DNAH12: variants seen among roughly 807,000 people sequenced by gnomAD.
The protein encoded by DNAH12 is dynein axonemal heavy chain 12, also known as axonemal beta dynein heavy chain 12.
A neutral mutation model predicts 371.5 loss-of-function variants in DNAH12; 285 were observed. That is an observed-to-expected ratio of 0.77 (90% CI 0.70 to 0.85). The LOEUF is 0.85. Among genes scored for constraint, DNAH12 ranks in the 40% least tolerant of loss-of-function variants. The pLI, the probability that DNAH12 is intolerant of heterozygous loss-of-function variation, is 0.00. For synonymous variants in DNAH12, 1,200 were observed against 1,213.0 expected, an observed-to-expected ratio of 0.99 and a Z score of 0.22; for missense variants, 3,611 against 3,689.4, an observed-to-expected ratio of 0.98 and a Z score of 0.55.
chr3:57,360,684 TAACAACAAC>T (rs1158640870), intron 58 of DNAH12, among the ~76,000 whole-genome samples: 3,614 of 151,204 alleles, frequency 0.024, 68 homozygotes, highest in Admixed American at 0.035. Flanking sequence ...CGAAACTCTG[TAACAACAAC>T]AACAACAACA....
At chr3:57,322,650 C>T (rs1297524534) in intron 64 of DNAH12, among the ~76,000 whole-genome samples, 167 bp from the exon 65 acceptor site, 2 of 142,744 alleles carry the variant, frequency 1.4e-5, no homozygotes, top group Admixed American at 7.3e-5. Flanking sequence ...AGACAGCTGG[C>T]CAGGCGTGGT....
intron 62 of DNAH12, among the ~76,000 whole-genome samples, chr3:57,331,231 C>A (rs2062088372): frequency 6.6e-6 from 1 of 152,120 alleles, no homozygotes; most frequent in Admixed American, 6.5e-5. Flanking sequence ...GCAGACAAAG[C>A]AAAAACCCTA....
chr3:57,366,379 T>C (rs1486535349), intron 57 of DNAH12, among the ~76,000 whole-genome samples: 1 of 152,164 alleles, frequency 6.6e-6, no homozygotes, highest in African/African-American at 2.4e-5. Context: ...GCAGCCATTC[T>C]TTTATTCCTT....
At chr3:57,450,764 G>A (rs189523100) in intron 25 of DNAH12, among the ~76,000 whole-genome samples, 48 of 152,290 alleles carry the variant, frequency 3.2e-4, no homozygotes, top group Middle Eastern at 3.4e-3. Flanking sequence ...GCAGCTACCC[G>A]AGAAAATAAA....
chr3:57,502,089 A>T (rs991751057), intron 10 of DNAH12, among the ~76,000 whole-genome samples: 2 of 151,710 alleles, frequency 1.3e-5, no homozygotes, highest in African/African-American at 4.8e-5. Context: ...TGTATTTTTT[A>T]GTAGAGACGG....
intron 29 of DNAH12, among the ~76,000 whole-genome samples, chr3:57,442,098 C>T (rs114720933): frequency 0.041 from 6,290 of 152,054 alleles, 242 homozygotes; most frequent in African/African-American, 0.098. Context: ...TGAAAATATT[C>T]TTCAGAAATA....
chr3:57,505,324 C>T (rs1443390132), intron 8 of DNAH12, among the ~76,000 whole-genome samples: 1 of 150,250 alleles, frequency 6.7e-6, no homozygotes, highest in Non-Finnish European at 1.5e-5. Context: ...ATTAGTTCAA[C>T]TGTTTTAATT....
chr3:57,417,771 T>C (rs560713890), intron 37 of DNAH12, among the ~76,000 whole-genome samples: 61 of 152,298 alleles, frequency 4.0e-4, no homozygotes, highest in African/African-American at 1.3e-3. Flanking sequence ...GATCTTGTTA[T>C]TTAATGTGTT....
Position 57,413,833 on chromosome 3 carries a change from A to G in DNAH12, c.5933T>C (p.Ile1978Thr). The change falls in exon 39 of 74, where the codon ATA (isoleucine) becomes ACA (threonine). Residue 1978 changes from isoleucine (I) to threonine (T), a missense_variant. Ile to Thr is a moderately conservative substitution (Grantham distance 89). Transcript: ENST00000495027. ...CAATGCAGGCATATTCATATCATCT[A>G]TAAAAATTATACACTTCTTTCCCAT... ...PPMGKKCIIF[I>T]DDMNMPALEK... is the part of the protein sequence containing the mutation. 1 of 1,551,274 alleles carries G rather than the reference A, an allele frequency of 6.4e-7. No individual in the cohort carries two copies. The highest frequency in any genetic ancestry group is 8.7e-7 in the Non-Finnish European group (1 of 1,146,730).
upstream of DNAH12, among the ~76,000 whole-genome samples, chr3:57,545,933 G>A (rs2069544117): frequency 6.6e-6 from 1 of 152,194 alleles, no homozygotes; most frequent in Non-Finnish European, 1.5e-5. Flanking sequence ...TATGGGCACA[G>A]TGGGCTCCAG....
chr3:57,498,574 G>A (rs1331369563), intron 11 of DNAH12: 2 of 716,484 alleles, frequency 2.8e-6, no homozygotes, highest in African/African-American at 3.5e-5. Flanking sequence ...TCCGCACAAA[G>A]ACTTGTAAAC....
intron 69 of DNAH12, among the ~76,000 whole-genome samples, chr3:57,308,773 C>G (rs896549765): frequency 6.6e-6 from 1 of 152,216 alleles, no homozygotes; most frequent in Non-Finnish European, 1.5e-5. Context: ...CAGGCACTCT[C>G]TAATTAGATG....
chr3:57,371,965 A>AT (rs2063183780), intron 55 of DNAH12, among the ~76,000 whole-genome samples: 16 of 142,638 alleles, frequency 1.1e-4, no homozygotes, highest in African/African-American at 3.9e-4. Context: ...AAAAAAAAAA[A>AT]TTCTTTCAAA....
rs551203905 is a variant in DNAH12 at position 57,526,827 on chromosome 3, T to TTTG, written c.171-2946_171-2944dup. On this transcript the variant is annotated intron_variant, in intron 2 of 73. Transcript: ENST00000495027. Reference sequence around the variant, plus strand: ...CGTGAGCACTGCGCCCGGCCTCTTTTTTGTTGTTGTTGTTGTTTTGTTTTG... The same window carrying TTTG: ...CGTGAGCACTGCGCCCGGCCTCTTTTTTGTTGTTGTTGTTGTTGTTTTGTTTTG... Among the ~76,000 whole-genome samples the TTTG allele has an allele frequency of 2.3e-3, 354 of 151,376 alleles. 2 individuals carry two copies. The Middle Eastern group carries it at 0.024, about 10-fold the overall frequency.
chr3:57,446,493 T>C, intron 26 of DNAH12, 44 bp downstream of exon 26: 1 of 1,497,224 alleles, frequency 6.7e-7, no homozygotes, highest in Non-Finnish European at 8.9e-7. Context: ...GACCTAGCTG[T>C]AAGTTTGAAA....
intron 55 of DNAH12, among the ~76,000 whole-genome samples, chr3:57,371,344 C>G (rs1006659379): frequency 1.3e-5 from 2 of 152,182 alleles, no homozygotes; most frequent in South Asian, 2.1e-4. Flanking sequence ...CATATACTCA[C>G]AGTATTCATT....
intron 60 of DNAH12, among the ~76,000 whole-genome samples, chr3:57,346,816 T>A (rs2062554465): frequency 6.6e-6 from 1 of 152,096 alleles, no homozygotes; most frequent in African/African-American, 2.4e-5. Flanking sequence ...GCTATATTAA[T>A]TTCAGACTAA....
At chr3:57,481,553 A>G (rs1559705837) in intron 13 of DNAH12, among the ~76,000 whole-genome samples, 2 of 152,204 alleles carry the variant, frequency 1.3e-5, no homozygotes, top group African/African-American at 2.4e-5. Context: ...CTTTCTTCAC[A>G]GAATTGGAAA....
At chr3:57,424,962 A>G (rs2064717803) in intron 35 of DNAH12, 60 bp downstream of exon 35, 1 of 671,300 alleles carries the variant, frequency 1.5e-6, no homozygotes, top group Non-Finnish European at 2.7e-6. Flanking sequence ...CAATATAAAC[A>G]TCATGTACCA....
Sources: allele counts gnomAD v4.1 joint callset (sites outside exome capture counted in the v4.1 genomes callset), GRCh38; gene constraint gnomAD v4.1.1; transcripts MANE v1.5; gene names NCBI Gene and HGNC (gene_info 2026-07-23, HGNC 2026-07-21).